Variants in SYNE1 observed in about 807,000 individuals in gnomAD.
SYNE1 encodes the protein spectrin repeat containing nuclear envelope protein 1.
SYNE1 carries 616 observed loss-of-function variants against 1,111.0 expected under a neutral mutation model. The observed-to-expected ratio is 0.55, with a 90% CI of 0.52 to 0.59. SYNE1 has a LOEUF of 0.59. Among genes scored for constraint, SYNE1 ranks in the 20% least tolerant of loss-of-function variants. The probability of loss-of-function intolerance (pLI) is 0.00; values close to 1 mark genes in which losing one functional copy is unlikely to be tolerated. For missense variants in SYNE1, 10,006 were observed against 10,417.0 expected (o/e 0.96, Z 1.72); for synonymous variants, 3,855 against 3,825.8 (o/e 1.01, Z -0.28).
At position 152,254,980 on chromosome 6, in the gene SYNE1, G is replaced by A; in HGVS notation, c.19370C>T (p.Thr6457Ile). Reference protein sequence around the residue: ...NGDNRDVIEDTLGCLLGRLSL... With the variant: ...NGDNRDVIEDILGCLLGRLSL... Reference sequence around the variant, plus strand: ...TAACCTGCCCAAAAGACAACCCAAAGTATCTTCAATAACATCTCGATTATC... The same window carrying A: ...TAACCTGCCCAAAAGACAACCCAAAATATCTTCAATAACATCTCGATTATC... Residue 6457 changes from threonine (T) to isoleucine (I), a missense_variant, in exon 104 of 146, where the codon ACT (threonine) becomes ATT (isoleucine). By Grantham distance (89) the Thr-to-Ile change is moderately conservative (BLOSUM62 -1). This residue lies in a region of SYNE1 where 2,182 missense variants were observed against 2,287.8 expected (regional missense o/e 0.95). Coordinates refer to ENST00000367255, the MANE Select transcript of SYNE1 (RefSeq NM_182961.4). 6.2e-7 allele frequency: 1 copy of A among 1,613,978 alleles called. No individual in the cohort carries two copies. Among genetic ancestry groups the A allele is most frequent in the Non-Finnish European group, 8.5e-7 (1 of 1,179,948 alleles).
At chr6:152,580,588 G>A (rs183911086) in intron 3 of SYNE1, among the ~76,000 whole-genome samples, 13 of 152,042 alleles carry the variant, frequency 8.6e-5, no homozygotes, top group African/African-American at 3.1e-4. Flanking sequence ...ATTTTGCCAG[G>A]GCCTATGTCT....
chr6:152,473,882 C>A (rs1383985757), intron 14 of SYNE1, among the ~76,000 whole-genome samples: 1 of 152,150 alleles, frequency 6.6e-6, no homozygotes, highest in Admixed American at 6.5e-5. Flanking sequence ...CATTTTCACA[C>A]ATATGATAAA....
chr6:152,366,534 CG>C (rs1205259067), intron 62 of SYNE1, among the ~76,000 whole-genome samples: 1 of 152,078 alleles, frequency 6.6e-6, no homozygotes, highest in Admixed American at 6.6e-5. Flanking sequence ...CCACACAACT[CG>C]GGTTACCTAT....
intron 3 of SYNE1, among the ~76,000 whole-genome samples, chr6:152,620,896 T>C (rs1470354273): frequency 6.6e-6 from 1 of 152,218 alleles, no homozygotes; most frequent in African/African-American, 2.4e-5. Context: ...TCAAAGTTTT[T>C]ATATTCTGGG....
In SYNE1 at chr6:152,605,097, GA is replaced by G. The variant is rs1328400303; in HGVS notation, c.67+23167del. Among the ~76,000 whole-genome samples, 10 of 140,366 alleles carry G rather than the reference GA, an allele frequency of 7.1e-5. 1 individual carries two copies. The East Asian group carries it at 1.5e-3, about 21-fold the overall frequency. The allele number at this position is 140,366 out of a possible 152,430, so 92.1% of individuals were successfully genotyped here. ...GGAAAGAAGGAAGGAAGGAAGGAAG[GA>G]AGGAAGGAAGGAAGGAAGGAAGGAA... On this transcript the variant is annotated intron_variant, in intron 3 of 145. Coordinates refer to ENST00000367255, the MANE Select transcript of SYNE1 (RefSeq NM_182961.4).
At chr6:152,554,655 C>A (rs933984238) in intron 3 of SYNE1, among the ~76,000 whole-genome samples, 1 of 152,158 alleles carries the variant, frequency 6.6e-6, no homozygotes, top group Non-Finnish European at 1.5e-5. Flanking sequence ...ATCTAAGGTA[C>A]CATTTTACTT....
chr6:152,213,678 T>C lies in SYNE1; in HGVS notation c.22428A>G (p.Glu7476=). The change falls in exon 123 of 146, where the codon GAA becomes GAG. Residue 7476 remains glutamate (E), a synonymous_variant. Coordinates refer to ENST00000367255, the MANE Select transcript of SYNE1 (RefSeq NM_182961.4). ...ETWMEFLVQT[E]QKLAVEISGN... is the part of the protein sequence containing the mutation. ...CTGAAATCTCTACTGCTAACTTTTG[T>C]TCTGTCTGAACTAGGAATTCCATCC... is the stretch of plus-strand genomic sequence containing the variant. The C allele has an allele frequency of 6.2e-7, 1 of 1,614,158 alleles. No individual in the cohort carries two copies. Among genetic ancestry groups the C allele is most frequent in the South Asian group, 1.1e-5 (1 of 91,082 alleles).
At chr6:152,466,593 T>C (rs1191939296) in intron 16 of SYNE1, among the ~76,000 whole-genome samples, 1 of 152,088 alleles carries the variant, frequency 6.6e-6, no homozygotes, top group Non-Finnish European at 1.5e-5. Flanking sequence ...TTATCAATGG[T>C]CTCACATTTC....
chr6:152,193,474 C>G (rs1205303680), intron 127 of SYNE1, among the ~76,000 whole-genome samples: 1 of 152,036 alleles, frequency 6.6e-6, no homozygotes, highest in Non-Finnish European at 1.5e-5. Flanking sequence ...CACGCCACCC[C>G]ACCTGGTTAA....
At position 152,141,301 on chromosome 6, in the gene SYNE1, C is replaced by T. The variant is rs763775773; in HGVS notation, c.25148G>A (p.Ser8383Asn). Residue 8383 changes from serine (S) to asparagine (N), a missense_variant, in exon 139 of 146, where the codon AGT becomes AAT. By Grantham distance (46) the Ser-to-Asn change is conservative. This residue lies in a region of SYNE1 where 761 missense variants were observed against 795.5 expected (regional missense o/e 0.96). Coordinates refer to ENST00000367255, the MANE Select transcript of SYNE1 (RefSeq NM_182961.4). Reference protein sequence around the residue: ...YMKLLGECSSSIDSVKRLEHK... With the variant: ...YMKLLGECSSNIDSVKRLEHK... ...CTCCAGTCTCTTCACGGAGTCTATACTGCTACTGCATTCGCCCAGCAGTTT... is the reference window on the plus strand; with the variant it reads ...CTCCAGTCTCTTCACGGAGTCTATATTGCTACTGCATTCGCCCAGCAGTTT... The T allele has an allele frequency of 3.7e-6, 6 of 1,613,620 alleles. No individual in the cohort carries two copies. The highest frequency in any genetic ancestry group is 1.7e-5 in the Admixed American group (1 of 60,004).
intron 127 of SYNE1, 99 bp from the exon 128 acceptor site, chr6:152,189,506 C>A: frequency 8.6e-7 from 1 of 1,163,546 alleles, no homozygotes; most frequent in East Asian, 2.4e-5. Context: ...CTTTGTATAG[C>A]CCTCAATTTA....
intron 34 of SYNE1, among the ~76,000 whole-genome samples, chr6:152,431,984 G>T (rs189831742): frequency 6.6e-6 from 1 of 152,122 alleles, no homozygotes; most frequent in East Asian, 1.9e-4. Context: ...GTAACACATC[G>T]GTGAAACAAA....
At chr6:152,439,303 G>A (rs1172044906) in intron 32 of SYNE1, among the ~76,000 whole-genome samples, 1 of 152,138 alleles carries the variant, frequency 6.6e-6, no homozygotes, top group Non-Finnish European at 1.5e-5. Flanking sequence ...AACTCTGGCT[G>A]GAACGTGGTC....
At chr6:152,529,182 A>G (rs1049033498) in intron 4 of SYNE1, among the ~76,000 whole-genome samples, 2 of 152,100 alleles carry the variant, frequency 1.3e-5, no homozygotes, top group Non-Finnish European at 2.9e-5. Context: ...CTTATGAAAC[A>G]CTCACTAAAT....
At chr6:152,327,886 T>C (rs1045293968) in intron 78 of SYNE1, among the ~76,000 whole-genome samples, 6 of 152,226 alleles carry the variant, frequency 3.9e-5, no homozygotes, top group African/African-American at 1.4e-4. Flanking sequence ...TAGTTTAAAA[T>C]TTGTATAAGC....
At chr6:152,468,434 C>T (rs1170792934) in intron 16 of SYNE1, among the ~76,000 whole-genome samples, 1 of 151,990 alleles carries the variant, frequency 6.6e-6, no homozygotes, top group Non-Finnish European at 1.5e-5. Context: ...ATGTTTTGGT[C>T]ATTGTCAACA....
intron 13 of SYNE1, among the ~76,000 whole-genome samples, chr6:152,484,127 G>T (rs1042573397): frequency 6.6e-6 from 1 of 151,604 alleles, no homozygotes; most frequent in Non-Finnish European, 1.5e-5. Flanking sequence ...TAGGATGATT[G>T]CTTGAGCCAA....
rs138705766 is a variant in SYNE1, at chr6:152,442,123, T to C, written c.3960A>G (p.Thr1320=). The C allele has an allele frequency of 0.017, 26,659 of 1,614,052 alleles. 281 individuals are homozygous for C. The highest frequency in any genetic ancestry group is 0.033 in the Middle Eastern group (198 of 6,062). ...GHEELRKLES[T]LDGLERSRER... ...CCCGGCTGCGCTCCAGGCCATCCAG[T>C]GTGCTCTCCAGCTTCCGCAGCTCCT... Residue 1320 remains threonine, a synonymous_variant, in exon 31 of 146, where the codon ACA becomes ACG. Coordinates refer to ENST00000367255, the MANE Select transcript of SYNE1 (RefSeq NM_182961.4).
intron 11 of SYNE1, among the ~76,000 whole-genome samples, chr6:152,493,345 T>TGAAAGCA (rs2154308216): frequency 6.6e-6 from 1 of 152,220 alleles, no homozygotes; most frequent in South Asian, 2.1e-4. Context: ...CCTTATTCTG[T>TGAAAGCA]TCTGGATTTC....
Sources: gnomAD v4.1 joint callset for allele counts (sites outside exome capture counted in the v4.1 genomes callset) on GRCh38, gnomAD v4.1.1 for gene constraint, gnomAD v4.1.1 regional missense constraint, MANE v1.5 for transcripts, NCBI Gene and HGNC (gene_info 2026-07-23, HGNC 2026-07-21) for gene names.